SIAH3: variants seen among roughly 807,000 people sequenced by gnomAD.
The protein encoded by SIAH3 is seven in absentia homolog 3.
SIAH3 carries 9 observed loss-of-function variants against 12.6 expected under a neutral mutation model. The ratio of observed to expected loss-of-function variants is 0.72; its 90% CI spans 0.43 to 1.25. The LOEUF (loss-of-function observed/expected upper bound fraction) is 1.25. Ranked by LOEUF, SIAH3 falls within the 50% of genes most tolerant of loss-of-function variation. The probability of loss-of-function intolerance (pLI) is 0.00; values close to 1 mark genes in which losing one functional copy is unlikely to be tolerated. For missense variants in SIAH3, 390 were observed against 365.4 expected, an observed-to-expected ratio of 1.07 and a Z score of -0.55; for synonymous variants, 154 against 151.1, an observed-to-expected ratio of 1.02 and a Z score of -0.14.
At chr13:45,827,705 G>A (rs973739886) in intron 1 of SIAH3, among the ~76,000 whole-genome samples, 1 of 152,156 alleles carries the variant, frequency 6.6e-6, no homozygotes, top group Non-Finnish European at 1.5e-5. Flanking sequence ...GCTACATCAG[G>A]CTCTGATTGA....
chr13:45,795,388 A>G (rs1453674600), intron 1 of SIAH3, among the ~76,000 whole-genome samples: 1 of 152,190 alleles, frequency 6.6e-6, no homozygotes, highest in Non-Finnish European at 1.5e-5. Flanking sequence ...AGACCTGCTA[A>G]TCTGTGACAC....
At chr13:45,817,902 G>T (rs192691612) in intron 1 of SIAH3, among the ~76,000 whole-genome samples, 1 of 152,322 alleles carries the variant, frequency 6.6e-6, no homozygotes, top group Non-Finnish European at 1.5e-5. Flanking sequence ...CCCTTTTGCT[G>T]TCTATTGTAT....
intron 1 of SIAH3, among the ~76,000 whole-genome samples, chr13:45,806,805 C>A: frequency 6.6e-6 from 1 of 152,110 alleles, no homozygotes; most frequent in African/African-American, 2.4e-5. Flanking sequence ...CAGAAACTTC[C>A]TTAACAAGTA....
chr13:45,792,302 AAGTG>A (rs1950548032), intron 1 of SIAH3, among the ~76,000 whole-genome samples: 1 of 152,136 alleles, frequency 6.6e-6, no homozygotes, highest in African/African-American at 2.4e-5. Flanking sequence ...GTTAGGAAGA[AAGTG>A]AGACAGGTTG....
chr13:45,847,622 C>CGTGTGTGTGTGTGTGTGTGTGTGT (rs112078778), intron 1 of SIAH3, among the ~76,000 whole-genome samples: 1 of 146,836 alleles, frequency 6.8e-6, no homozygotes, highest in Non-Finnish European at 1.5e-5. Flanking sequence ...TCCATGTGTT[C>CGTGTGTGTGTGTGTGTGTGTGTGT]GTGTGTGTGT....
At chr13:45,820,430 C>A (rs539406034) in intron 1 of SIAH3, among the ~76,000 whole-genome samples, 1 of 152,112 alleles carries the variant, frequency 6.6e-6, no homozygotes, top group South Asian at 2.1e-4. Context: ...GTGAGGAGCT[C>A]CTTGTAATCT....
intron 1 of SIAH3, among the ~76,000 whole-genome samples, chr13:45,814,256 A>C (rs1276422020): frequency 6.6e-6 from 1 of 151,464 alleles, no homozygotes; most frequent in Non-Finnish European, 1.5e-5. Context: ...AAAAAAAAAA[A>C]AAAAATACAG....
Position 45,778,884 on chromosome 13 carries a change from C to T in SIAH3, c.*4499G>A, listed in dbSNP as rs1419857407. 6.6e-6 allele frequency: 1 copy of T among 152,148 alleles called. No homozygotes were observed. The highest frequency in any genetic ancestry group is 2.4e-5 in the African/African-American group (1 of 41,428). The allele number at this position is 152,148 out of a possible 1,614,324, so 9.4% of individuals were successfully genotyped here. A position where few individuals can be genotyped will look rare whatever the true frequency, so the allele number is the denominator to read the frequency against. On this transcript the variant is annotated 3_prime_UTR_variant, in exon 2 of 2. Coordinates refer to ENST00000400405, the MANE Select transcript of SIAH3 (RefSeq NM_198849.3). ...GGATTGCGTAGGTTATATACAAATA[C>T]TATGCCGTTTTATATAAGGGACTTG...
intron 1 of SIAH3, among the ~76,000 whole-genome samples, chr13:45,823,375 A>G (rs9316163): frequency 0.7 from 106,565 of 152,102 alleles, 39,655 homozygotes; most frequent in East Asian, 0.95. Context: ...AAGCACGTGT[A>G]CACTATTTCA....
chr13:45,826,104 A>G (rs1950673638), intron 1 of SIAH3, among the ~76,000 whole-genome samples: 1 of 152,156 alleles, frequency 6.6e-6, no homozygotes, highest in Non-Finnish European at 1.5e-5. Context: ...ACACTTTTTT[A>G]AAGAAAGCTT....
intron 1 of SIAH3, among the ~76,000 whole-genome samples, chr13:45,833,592 T>C (rs772572352): frequency 2.0e-5 from 3 of 152,232 alleles, no homozygotes; most frequent in African/African-American, 4.8e-5. Flanking sequence ...TGATACTCTC[T>C]ATCCACATTG....
intron 1 of SIAH3, among the ~76,000 whole-genome samples, chr13:45,813,947 A>G (rs1950624959): frequency 6.6e-6 from 1 of 152,194 alleles, no homozygotes; most frequent in Non-Finnish European, 1.5e-5. Context: ...GATAAAAAAT[A>G]CAGTCCATAG....
chr13:45,814,164 G>A (rs977032788), intron 1 of SIAH3, among the ~76,000 whole-genome samples: 3 of 150,774 alleles, frequency 2.0e-5, no homozygotes, highest in Non-Finnish European at 4.4e-5. Context: ...GCGTGAACCC[G>A]GGAGGCGGAG....
intron 1 of SIAH3, among the ~76,000 whole-genome samples, chr13:45,803,069 CA>C (rs943301023): frequency 2.3e-3 from 312 of 137,842 alleles, no homozygotes; most frequent in Middle Eastern, 3.6e-3. Flanking sequence ...AAAACTCTGT[CA>C]AAAAAAAAAA....
intron 1 of SIAH3, among the ~76,000 whole-genome samples, chr13:45,822,025 A>C (rs11620312): frequency 0.094 from 14,263 of 152,152 alleles, 804 homozygotes; most frequent in Middle Eastern, 0.22. Context: ...CGGCAGGACT[A>C]TACCCCTTTG....
intron 1 of SIAH3, among the ~76,000 whole-genome samples, chr13:45,809,574 A>G (rs555339962): frequency 1.3e-5 from 2 of 152,346 alleles, no homozygotes; most frequent in South Asian, 4.1e-4. Context: ...AAGACCCCAT[A>G]CTGCTTACCC....
intron 1 of SIAH3, among the ~76,000 whole-genome samples, chr13:45,792,041 C>A (rs1369868619): frequency 6.6e-6 from 1 of 152,186 alleles, no homozygotes; most frequent in African/African-American, 2.4e-5. Context: ...ACACAGAACC[C>A]CAGAGCCCAC....
intron 1 of SIAH3, among the ~76,000 whole-genome samples, chr13:45,837,416 TC>T (rs1950721609): frequency 6.6e-6 from 1 of 151,750 alleles, no homozygotes; most frequent in Non-Finnish European, 1.5e-5. Context: ...TTTGGGGACT[TC>T]CTTATTTAAA....
intron 1 of SIAH3, among the ~76,000 whole-genome samples, chr13:45,796,347 G>A (rs905258963): frequency 6.6e-6 from 1 of 152,082 alleles, no homozygotes; most frequent in African/African-American, 2.4e-5. Context: ...CGGGGGGGAG[G>A]CGCTCAAGAA....
Sources: allele counts gnomAD v4.1 joint callset (sites outside exome capture counted in the v4.1 genomes callset), GRCh38; gene constraint gnomAD v4.1.1; transcripts MANE v1.5; gene names NCBI Gene and HGNC (gene_info 2026-07-23, HGNC 2026-07-21).